Variants in CPM observed in about 807,000 individuals in gnomAD.
CPM encodes the protein carboxypeptidase M, also known as renal carboxypeptidase.
A neutral mutation model predicts 46.4 loss-of-function variants in CPM; 35 were observed. The observed-to-expected ratio is 0.75, with a 90% CI of 0.58 to 1.00. The LOEUF is 1.00. Among genes scored for constraint, CPM ranks in the 50% least tolerant of loss-of-function variants. CPM has a pLI of 0.00. For missense variants in CPM, 422 were observed against 530.4 expected (o/e 0.80, Z 2.01); for synonymous variants, 195 against 195.3 (o/e 1.00, Z 0.01).
At chr12:68,954,282 A>C (rs555706046) in intron 1 of CPM, among the ~76,000 whole-genome samples, 2 of 152,330 alleles carry the variant, frequency 1.3e-5, no homozygotes, top group South Asian at 4.1e-4. Flanking sequence ...AGCGTATGAC[A>C]TACATTCCTT....
In CPM at chr12:68,872,515, A is replaced by G. The variant is rs138398248; in HGVS notation, c.259-559T>C. 6.5e-3 allele frequency among the ~76,000 whole-genome samples: 995 copies of G among 152,272 alleles called. 17 individuals are homozygous for G. Among genetic ancestry groups the G allele is most frequent in the African/African-American group, 0.023 (946 of 41,550 alleles). ...TGATCCACCTGCCTCAGACACCCAA[A>G]GTGCTGGGATTACAGGCATGAGACA... On this transcript the variant is annotated intron_variant, in intron 3 of 8. Transcript: ENST00000551568.
chr12:68,890,380 A>C (rs909666988), intron 2 of CPM, among the ~76,000 whole-genome samples: 5 of 151,390 alleles, frequency 3.3e-5, no homozygotes, highest in Non-Finnish European at 5.9e-5. Flanking sequence ...AAAAAAAAAA[A>C]ACCAAACCCT....
intron 1 of CPM, among the ~76,000 whole-genome samples, chr12:68,946,676 C>T (rs1888853049): frequency 6.6e-6 from 1 of 152,208 alleles, no homozygotes; most frequent in African/African-American, 2.4e-5. Context: ...TCATTCCAGT[C>T]AAAGCCTTGG....
chr12:68,904,072 G>T (rs1474907653), intron 2 of CPM, among the ~76,000 whole-genome samples: 1 of 152,092 alleles, frequency 6.6e-6, no homozygotes, highest in Non-Finnish European at 1.5e-5. Context: ...AGAGATGGGG[G>T]TCTCACTTTG....
intron 2 of CPM, among the ~76,000 whole-genome samples, chr12:68,897,782 A>G (rs536893369): frequency 6.6e-6 from 1 of 150,684 alleles, no homozygotes; most frequent in Admixed American, 6.6e-5. Context: ...CTAGCACTAT[A>G]CAGTTATTGT....
chr12:68,852,094 T>C lies in CPM; in HGVS notation c.*4343A>G, dbSNP rs2136205929. On this transcript the variant is annotated 3_prime_UTR_variant, in exon 9 of 9. Coordinates refer to ENST00000551568, the MANE Select transcript of CPM (RefSeq NM_198320.5). The stretch of plus-strand genomic sequence containing the variant: ...AACTTGTACCATTTTTAGAAACAGA[T>C]CACAAATGCAAATTTGCTTCTGGAA... 1 of 152,314 alleles carries C rather than the reference T, an allele frequency of 6.6e-6. No homozygotes were observed. The highest frequency in any genetic ancestry group is 3.4e-3 in the Middle Eastern group (1 of 294). The allele number at this position is 152,314 out of a possible 1,614,324, so 9.4% of individuals were successfully genotyped here. A position where few individuals can be genotyped will look rare whatever the true frequency, so the allele number is the denominator to read the frequency against.
At chr12:68,952,505 A>T (rs1362643907) in intron 1 of CPM, among the ~76,000 whole-genome samples, 1 of 152,216 alleles carries the variant, frequency 6.6e-6, no homozygotes, top group Non-Finnish European at 1.5e-5. Context: ...AAATTTCAAG[A>T]TGGGGACAGC....
At chr12:68,861,607 G>A (rs1474373807) in intron 7 of CPM, among the ~76,000 whole-genome samples, 3 of 151,060 alleles carry the variant, frequency 2.0e-5, no homozygotes, top group Non-Finnish European at 4.4e-5. Context: ...TCAGCTCACT[G>A]CAACCTCTGC....
intron 2 of CPM, among the ~76,000 whole-genome samples, chr12:68,902,244 TA>T (rs2136279671): frequency 6.6e-6 from 1 of 152,322 alleles, no homozygotes; most frequent in Admixed American, 6.5e-5. Context: ...TTAATTTCTG[TA>T]GCAAGGTACC....
rs573211336 is a variant in CPM, at chr12:68,931,865, T to C, written c.160+813A>G. 1.1e-4 allele frequency among the ~76,000 whole-genome samples: 16 copies of C among 151,824 alleles called. No individual in the cohort carries two copies. In the Middle Eastern group the frequency reaches 0.01, roughly 97 times the overall value. ...CCAGTCCTGGCTATAAAATTCACCA[T>C]CTGGGAGACCTTGAACAAATTATTT... On this transcript the variant is annotated intron_variant, in intron 2 of 8. Coordinates refer to ENST00000551568, the MANE Select transcript of CPM (RefSeq NM_198320.5).
chr12:68,872,052 C>G, intron 3 of CPM, 96 bp from the exon 4 acceptor site: 1 of 1,225,170 alleles, frequency 8.2e-7, no homozygotes, highest in Non-Finnish European at 1.1e-6. Context: ...GGTCTCTACA[C>G]ATGATATCTC....
At chr12:68,957,904 A>G (rs1248113134) in intron 1 of CPM, among the ~76,000 whole-genome samples, 1 of 129,662 alleles carries the variant, frequency 7.7e-6, no homozygotes, top group Non-Finnish European at 1.5e-5. Context: ...AAGTGTTCTC[A>G]TTGTTCAGTT....
intron 2 of CPM, among the ~76,000 whole-genome samples, chr12:68,903,105 C>T (rs1387033564): frequency 6.6e-6 from 1 of 152,178 alleles, no homozygotes; most frequent in African/African-American, 2.4e-5. Context: ...TGTTAACAAA[C>T]GTTGTTAACA....
intron 1 of CPM, among the ~76,000 whole-genome samples, chr12:68,941,189 GTGTGTGTGTGTGTGTA>G (rs1888754789): frequency 6.6e-6 from 1 of 151,432 alleles, no homozygotes; most frequent in Non-Finnish European, 1.5e-5. Context: ...GTGTGTGTGT[GTGTGTGTGTGTGTGTA>G]TATAAAGCTA....
rs1480577640 is a variant in CPM, at chr12:68,853,326, A to G, written c.*3111T>C. The G allele has an allele frequency of 6.6e-6, 1 of 152,210 alleles. No homozygotes were observed. Among genetic ancestry groups the G allele is most frequent in the Non-Finnish European group, 1.5e-5 (1 of 68,042 alleles). 9.4% of individuals were successfully genotyped at this position (152,210 alleles called of 1,614,324 possible). A position where few individuals can be genotyped will look rare whatever the true frequency, so the allele number is the denominator to read the frequency against. ...ATACCAAAGTCATTTTTGCAATACTATATTATGTACTTTCAAGTATATAAT... is the reference window on the plus strand; with the variant it reads ...ATACCAAAGTCATTTTTGCAATACTGTATTATGTACTTTCAAGTATATAAT... On this transcript the variant is annotated 3_prime_UTR_variant, in exon 9 of 9. Coordinates refer to ENST00000551568, the MANE Select transcript of CPM (RefSeq NM_198320.5).
At chr12:68,960,938 T>C (rs1184876738) in intron 1 of CPM, among the ~76,000 whole-genome samples, 1 of 152,082 alleles carries the variant, frequency 6.6e-6, no homozygotes, top group Non-Finnish European at 1.5e-5. Flanking sequence ...CAACTGAGAG[T>C]TGATTTTTTA....
At chr12:68,957,240 T>C (rs1889035393) in intron 1 of CPM, 1 of 152,926 alleles carries the variant, frequency 6.5e-6, no homozygotes, top group African/African-American at 2.4e-5. Flanking sequence ...GGTCTCTTCT[T>C]GAAGCTGCTG....
At chr12:68,898,932 T>C (rs989219065) in intron 2 of CPM, among the ~76,000 whole-genome samples, 1 of 152,190 alleles carries the variant, frequency 6.6e-6, no homozygotes, top group South Asian at 2.1e-4. Flanking sequence ...TAAGCACGTG[T>C]TTGTTTGAGG....
chr12:68,891,185 T>C (rs545384563), intron 2 of CPM, among the ~76,000 whole-genome samples: 1 of 152,374 alleles, frequency 6.6e-6, no homozygotes, highest in South Asian at 2.1e-4. Flanking sequence ...ATTTCACGTA[T>C]GCACATTCCC....
Sources: gnomAD v4.1 joint callset for allele counts (sites outside exome capture counted in the v4.1 genomes callset) on GRCh38, gnomAD v4.1.1 for gene constraint, MANE v1.5 for transcripts, NCBI Gene and HGNC (gene_info 2026-07-23, HGNC 2026-07-21) for gene names.